The following PSD3 variants were observed in gnomAD, a reference collection of about 807,000 sequenced individuals.
PSD3 encodes the protein PH and SEC7 domain-containing protein 3.
PSD3 carries 49 observed loss-of-function variants against 105.5 expected under a neutral mutation model. That is an observed-to-expected ratio of 0.46 (90% CI 0.37 to 0.59). The LOEUF (loss-of-function observed/expected upper bound fraction) is 0.59, where lower values mean the gene tolerates loss of function less well. PSD3 is among the 20% of genes least tolerant of loss of function. The pLI, the probability that PSD3 is intolerant of heterozygous loss-of-function variation, is 0.00. For missense variants in PSD3, 1,561 were observed against 1,263.8 expected, an observed-to-expected ratio of 1.24 and a Z score of -3.57; for synonymous variants, 557 against 457.8, an observed-to-expected ratio of 1.22 and a Z score of -2.77.
At chr8:18,631,375 C>A (rs1383249473) in intron 11 of PSD3, among the ~76,000 whole-genome samples, 1 of 151,892 alleles carries the variant, frequency 6.6e-6, no homozygotes, top group East Asian at 1.9e-4. Context: ...CTCAGTGATA[C>A]AAGTCAGAAT....
intron 11 of PSD3, among the ~76,000 whole-genome samples, chr8:18,631,649 G>A (rs988134895): frequency 6.6e-6 from 1 of 151,768 alleles, no homozygotes; most frequent in African/African-American, 2.4e-5. Flanking sequence ...CAATGTTGTG[G>A]GATAAAATTA....
At chr8:18,779,907 C>A (rs1424994622) in intron 8 of PSD3, among the ~76,000 whole-genome samples, 1 of 152,090 alleles carries the variant, frequency 6.6e-6, no homozygotes, top group Non-Finnish European at 1.5e-5. Context: ...AGCTGTTGGA[C>A]AATATGTTCT....
intron 4 of PSD3, among the ~76,000 whole-genome samples, chr8:18,848,131 T>TAAA (rs11464716): frequency 4.7e-4 from 70 of 149,420 alleles, no homozygotes; most frequent in African/African-American, 1.7e-3. Flanking sequence ...TTTCGAGAGT[T>TAAA]AAAAAAAAAA....
chr8:18,588,965 G>C (rs908487490), intron 12 of PSD3, among the ~76,000 whole-genome samples: 1 of 152,170 alleles, frequency 6.6e-6, no homozygotes, highest in African/African-American at 2.4e-5. Context: ...CAGAGAAACG[G>C]TTTTGCCAAA....
intron 1 of PSD3, among the ~76,000 whole-genome samples, chr8:19,049,573 C>A (rs528568668): frequency 6.6e-6 from 1 of 151,582 alleles, no homozygotes; most frequent in Non-Finnish European, 1.5e-5. Flanking sequence ...AACCTGTAGT[C>A]CAAGCTACTT....
intron 9 of PSD3, among the ~76,000 whole-genome samples, chr8:18,658,867 G>C (rs941387306): frequency 1.3e-5 from 2 of 152,042 alleles, no homozygotes; most frequent in East Asian, 3.9e-4. Context: ...ATCTCAATTC[G>C]CCTCTTTCTA....
intron 1 of PSD3, among the ~76,000 whole-genome samples, chr8:19,082,980 G>A (rs918512272): frequency 6.6e-6 from 1 of 152,172 alleles, no homozygotes; most frequent in Non-Finnish European, 1.5e-5. Flanking sequence ...AAAAGGGAAG[G>A]AAGGGTGCTG....
intron 1 of PSD3, chr8:19,001,027 G>A (rs1283242747): frequency 6.6e-6 from 1 of 151,780 alleles, no homozygotes; most frequent in African/African-American, 2.4e-5. Flanking sequence ...GGAACTAAGC[G>A]CACACATTCT....
intron 9 of PSD3, among the ~76,000 whole-genome samples, chr8:18,691,047 G>A (rs1043142028): frequency 1.3e-5 from 2 of 151,972 alleles, no homozygotes; most frequent in Non-Finnish European, 2.9e-5. Flanking sequence ...CTATGAGGAC[G>A]CATCACCTCA....
intron 12 of PSD3, among the ~76,000 whole-genome samples, chr8:18,588,693 T>C (rs757672013): frequency 6.6e-6 from 1 of 152,178 alleles, no homozygotes; most frequent in Non-Finnish European, 1.5e-5. Context: ...GCAACCTTCT[T>C]GGAGCTCTAA....
At chr8:18,587,828 T>C (rs1803303506) in intron 12 of PSD3, among the ~76,000 whole-genome samples, 1 of 152,224 alleles carries the variant, frequency 6.6e-6, no homozygotes, top group African/African-American at 2.4e-5. Context: ...GTACCTGATG[T>C]GATAAATAGC....
intron 9 of PSD3, among the ~76,000 whole-genome samples, chr8:18,744,380 C>A (rs147614565): frequency 6.6e-6 from 1 of 152,314 alleles, no homozygotes; most frequent in East Asian, 1.9e-4. Flanking sequence ...ATACTCTTAA[C>A]CCCTTCTCTT....
intron 14 of PSD3, among the ~76,000 whole-genome samples, chr8:18,571,952 C>T (rs1378120895): frequency 6.6e-6 from 1 of 152,068 alleles, no homozygotes; most frequent in Non-Finnish European, 1.5e-5. Flanking sequence ...TAAAATATGG[C>T]TTTTAGTAAG....
At chr8:18,942,114 G>A (rs1210808211) in intron 1 of PSD3, among the ~76,000 whole-genome samples, 1 of 152,106 alleles carries the variant, frequency 6.6e-6, no homozygotes, top group Admixed American at 6.5e-5. Context: ...GAGTGAGGAG[G>A]GAGAAAAAGG....
intron 1 of PSD3, among the ~76,000 whole-genome samples, chr8:19,071,080 G>C (rs946158609): frequency 1.3e-5 from 2 of 151,730 alleles, no homozygotes; most frequent in African/African-American, 4.8e-5. Flanking sequence ...GGGTAGGGGG[G>C]TTGGAGTCTT....
At chr8:18,810,331 T>C (rs1352519665) in intron 4 of PSD3, among the ~76,000 whole-genome samples, 1 of 152,328 alleles carries the variant, frequency 6.6e-6, no homozygotes, top group East Asian at 1.9e-4. Flanking sequence ...CTGTCTTCCA[T>C]GCTATGCTAT....
At chr8:18,612,889 C>G (rs570181674) in intron 11 of PSD3, among the ~76,000 whole-genome samples, 170 of 152,252 alleles carry the variant, frequency 1.1e-3, no homozygotes, top group African/African-American at 3.9e-3. Flanking sequence ...AGATGAGCCA[C>G]AGAGTCGCTC....
chr8:18,542,079 T>C (rs1800184561), intron 15 of PSD3, among the ~76,000 whole-genome samples: 1 of 152,008 alleles, frequency 6.6e-6, no homozygotes, highest in Non-Finnish European at 1.5e-5. Context: ...TAGTAGTACA[T>C]GAAAAATAGA....
chr8:18,641,291 A>T (rs1390859406), intron 10 of PSD3, among the ~76,000 whole-genome samples: 1 of 152,174 alleles, frequency 6.6e-6, no homozygotes, highest in African/African-American at 2.4e-5. Flanking sequence ...GGGAACTGGT[A>T]TCCCTGGGCA....
Sources: allele counts gnomAD v4.1 joint callset (sites outside exome capture counted in the v4.1 genomes callset), GRCh38; gene constraint gnomAD v4.1.1; transcripts MANE v1.5; gene names NCBI Gene and HGNC (gene_info 2026-07-23, HGNC 2026-07-21).